The following PCDH15 variants were observed in gnomAD, a reference collection of about 807,000 sequenced individuals.
The protein encoded by PCDH15 is protocadherin related 15.
Under a neutral mutation model 178.5 loss-of-function variants are expected in PCDH15, and 129 were observed. The observed-to-expected ratio is 0.72, with a 90% CI of 0.63 to 0.84. PCDH15 has a LOEUF of 0.84. Among genes scored for constraint, PCDH15 ranks in the 40% least tolerant of loss-of-function variants. The probability of loss-of-function intolerance (pLI) is 0.00; values close to 1 mark genes in which losing one functional copy is unlikely to be tolerated. For missense variants in PCDH15, 2,230 were observed against 2,099.9 expected, an observed-to-expected ratio of 1.06 and a Z score of -1.21; for synonymous variants, 800 against 732.0, an observed-to-expected ratio of 1.09 and a Z score of -1.50.
chr10:54,888,291 T>G (rs1323694558), intron 3 of PCDH15, among the ~76,000 whole-genome samples: 1 of 152,086 alleles, frequency 6.6e-6, no homozygotes, highest in Non-Finnish European at 1.5e-5. Flanking sequence ...TCATAGAGCA[T>G]GTACTGTTAT....
chr10:55,148,171 G>C (rs1322385553), intron 2 of PCDH15, among the ~76,000 whole-genome samples: 2 of 151,750 alleles, frequency 1.3e-5, no homozygotes, highest in Non-Finnish European at 2.9e-5. Flanking sequence ...AATATCCCCT[G>C]TTTCTTGTAC....
intron 2 of PCDH15, among the ~76,000 whole-genome samples, chr10:54,907,873 T>A (rs1954751769): frequency 6.6e-6 from 1 of 152,190 alleles, no homozygotes. Context: ...TCTTTCTCAA[T>A]AAAAGACTGG....
intron 1 of PCDH15, among the ~76,000 whole-genome samples, chr10:55,270,416 T>A (rs1030263917): frequency 2.0e-5 from 3 of 150,388 alleles, no homozygotes; most frequent in African/African-American, 7.4e-5. Flanking sequence ...CCAGAATCTG[T>A]AAGGAACTTA....
intron 2 of PCDH15, among the ~76,000 whole-genome samples, chr10:54,538,368 TA>T (rs141225510): frequency 0.17 from 25,402 of 152,006 alleles, 2,870 homozygotes; most frequent in East Asian, 0.36. Context: ...GAATAGGGGG[TA>T]CTTTCCCCAT....
intron 9 of PCDH15, among the ~76,000 whole-genome samples, chr10:54,235,698 C>T (rs2054560798): frequency 6.6e-6 from 1 of 152,020 alleles, no homozygotes; most frequent in African/African-American, 2.4e-5. Context: ...CCACAGACTC[C>T]ACGACTCCCT....
chr10:54,514,376 T>C (rs765053426), intron 3 of PCDH15, among the ~76,000 whole-genome samples: 2 of 152,056 alleles, frequency 1.3e-5, no homozygotes, highest in Non-Finnish European at 2.9e-5. Flanking sequence ...TGATTTTTAA[T>C]CAGATAAATA....
At chr10:53,839,245 A>C in intron 29 of PCDH15, among the ~76,000 whole-genome samples, 1 of 150,128 alleles carries the variant, frequency 6.7e-6, no homozygotes, top group Non-Finnish European at 1.5e-5. Flanking sequence ...TAACATGTTA[A>C]ATAATTATGG....
At chr10:55,217,030 T>C (rs1474113834) in intron 1 of PCDH15, among the ~76,000 whole-genome samples, 1 of 151,914 alleles carries the variant, frequency 6.6e-6, no homozygotes, top group Non-Finnish European at 1.5e-5. Context: ...ACTTATAATA[T>C]GATTGGAACA....
chr10:55,110,234 G>A (rs1055746994), intron 2 of PCDH15, among the ~76,000 whole-genome samples: 2 of 151,910 alleles, frequency 1.3e-5, no homozygotes, highest in Non-Finnish European at 2.9e-5. Flanking sequence ...TATCAGGTAA[G>A]TTCATTATAC....
intron 1 of PCDH15, among the ~76,000 whole-genome samples, chr10:54,788,828 A>G (rs1174349465): frequency 2.0e-5 from 3 of 151,708 alleles, no homozygotes; most frequent in African/African-American, 7.3e-5. Flanking sequence ...TAAAGGTGGA[A>G]GTAAGATTGC....
chr10:53,822,770 C>T lies in PCDH15; in HGVS notation c.4368-2540G>A. On this transcript the variant is annotated intron_variant, in intron 32 of 37. Coordinates refer to ENST00000644397, the MANE Select transcript of PCDH15 (RefSeq NM_001384140.1). ...AAGAGTCTGAAGAGAGAGATTTCAACTGTTCTGTTCCTTCTATCATCAGTG... is the reference window on the plus strand; with the variant it reads ...AAGAGTCTGAAGAGAGAGATTTCAATTGTTCTGTTCCTTCTATCATCAGTG... The T allele has an allele frequency of 6.2e-7, 1 of 1,614,064 alleles. No homozygotes were observed. The highest frequency in any genetic ancestry group is 8.5e-7 in the Non-Finnish European group (1 of 1,179,952).
intron 2 of PCDH15, among the ~76,000 whole-genome samples, chr10:55,325,076 A>C (rs999196368): frequency 2.0e-5 from 3 of 152,186 alleles, no homozygotes; most frequent in African/African-American, 7.2e-5. Context: ...AGGAAATGAC[A>C]CAAAGAAACA....
chr10:53,964,783 G>A (rs2088815071), intron 21 of PCDH15, among the ~76,000 whole-genome samples: 1 of 151,980 alleles, frequency 6.6e-6, no homozygotes, highest in Non-Finnish European at 1.5e-5. Context: ...AAAAACTTTG[G>A]CCTATATGGA....
At chr10:54,518,121 A>G (rs1301987394) in intron 3 of PCDH15, among the ~76,000 whole-genome samples, 1 of 152,202 alleles carries the variant, frequency 6.6e-6, no homozygotes, top group Non-Finnish European at 1.5e-5. Flanking sequence ...AAAGATCCAA[A>G]ATTGACACCC....
chr10:54,141,512 ATCCTT>A (rs1460847847), intron 14 of PCDH15, among the ~76,000 whole-genome samples: 2 of 152,180 alleles, frequency 1.3e-5, no homozygotes, highest in Non-Finnish European at 2.9e-5. Flanking sequence ...GTTGGTTCAG[ATCCTT>A]TCCTTTAGTG....
chr10:55,091,445 T>C (rs539096682), intron 2 of PCDH15, among the ~76,000 whole-genome samples: 7 of 148,822 alleles, frequency 4.7e-5, no homozygotes, highest in African/African-American at 1.5e-4. Flanking sequence ...AAAATGCTAA[T>C]GCTATAGTAG....
At chr10:54,572,914 G>T (rs768804697) in intron 2 of PCDH15, among the ~76,000 whole-genome samples, 10 of 152,086 alleles carry the variant, frequency 6.6e-5, no homozygotes, top group Non-Finnish European at 1.0e-4. Flanking sequence ...GCAACTAAAA[G>T]CTCAGCCCCA....
chr10:54,198,260 G>A (rs916847149), intron 10 of PCDH15, among the ~76,000 whole-genome samples: 10 of 152,042 alleles, frequency 6.6e-5, no homozygotes, highest in Admixed American at 1.3e-4. Context: ...AGGCTTTCTG[G>A]AGACAGCTGA....
rs1404293614 is a variant in PCDH15, at chr10:54,317,324, G to A, written c.823C>T (p.Arg275Cys). 8 of 1,613,938 alleles carry A rather than the reference G, an allele frequency of 5.0e-6. 2 individuals carry two copies. The highest frequency in any genetic ancestry group is 4.4e-5 in the South Asian group (4 of 91,082). Reference protein sequence around the residue: ...FLPCVLVPNTRDCRPLTYQAA... With the variant: ...FLPCVLVPNTCDCRPLTYQAA... ...TGATAAGTGAGTGGACGGCAATCACGAGTGTTTGGCACAAGGACACAAGGA... is the reference window on the plus strand; with the variant it reads ...TGATAAGTGAGTGGACGGCAATCACAAGTGTTTGGCACAAGGACACAAGGA... Residue 275 changes from arginine to cysteine, a missense_variant, in exon 8 of 38, where the codon CGT becomes TGT. Arg to Cys is a radical substitution (Grantham distance 180). Coordinates refer to ENST00000644397, the MANE Select transcript of PCDH15 (RefSeq NM_001384140.1).
Sources: gnomAD v4.1 joint callset for allele counts (sites outside exome capture counted in the v4.1 genomes callset) on GRCh38, gnomAD v4.1.1 for gene constraint, MANE v1.5 for transcripts, NCBI Gene and HGNC (gene_info 2026-07-23, HGNC 2026-07-21) for gene names.